CACNA1A: variants seen among roughly 807,000 people sequenced by gnomAD.
CACNA1A encodes voltage-dependent P/Q-type calcium channel subunit alpha-1A.
Under a neutral mutation model 262.4 loss-of-function variants are expected in CACNA1A, and 57 were observed. The ratio of observed to expected loss-of-function variants is 0.22; its 90% confidence interval spans 0.18 to 0.27. CACNA1A has a LOEUF of 0.27. CACNA1A is among the 10% of genes least tolerant of loss of function. The pLI is 1.00. For synonymous variants in CACNA1A, 1,431 were observed against 1,419.3 expected, an observed-to-expected ratio of 1.01 and a Z score of -0.18; for missense variants, 2,526 against 3,562.8, an observed-to-expected ratio of 0.71 and a Z score of 7.41.
chr19:13,481,833 G>C (rs557602743), intron 1 of CACNA1A, among the ~76,000 whole-genome samples: 57 of 152,166 alleles, frequency 3.7e-4, no homozygotes, highest in African/African-American at 1.3e-3. Context: ...GTGACTGCTT[G>C]GTTCAGGCAG....
chr19:13,231,371 C>T (rs1408231728), intron 35 of CACNA1A, among the ~76,000 whole-genome samples: 2 of 152,072 alleles, frequency 1.3e-5, no homozygotes, highest in East Asian at 1.9e-4. Flanking sequence ...CCAACCCCAC[C>T]CCCACCCCCT....
At chr19:13,343,184 T>C (rs1172299482) in intron 6 of CACNA1A, among the ~76,000 whole-genome samples, 2 of 151,806 alleles carry the variant, frequency 1.3e-5, no homozygotes, top group East Asian at 3.9e-4. Flanking sequence ...TGCAATGGTG[T>C]GATCTCAGCT....
chr19:13,419,237 C>T (rs1414956901), intron 3 of CACNA1A, among the ~76,000 whole-genome samples: 3 of 152,220 alleles, frequency 2.0e-5, no homozygotes, highest in East Asian at 3.8e-4. Context: ...AAGACAGTAA[C>T]CTGCTGTGCA....
At chr19:13,450,432 C>T (rs1261755577) in intron 3 of CACNA1A, 1 of 152,360 alleles carries the variant, frequency 6.6e-6, no homozygotes, top group Admixed American at 6.6e-5. Context: ...TCCAGCACCC[C>T]TCACCCCTGC....
rs536098418 is a variant in CACNA1A, at chr19:13,448,473, G to A, written c.539+4403C>T. On this transcript the variant is annotated intron_variant, in intron 3 of 46. Coordinates refer to ENST00000360228, the MANE Select transcript of CACNA1A (RefSeq NM_001127222.2). ...AAGACACAAGTTTACCCATGTAATAGATCTGCACTTGTACCCCTAAACTTA... is the reference window on the plus strand; with the variant it reads ...AAGACACAAGTTTACCCATGTAATAAATCTGCACTTGTACCCCTAAACTTA... 3.5e-4 allele frequency among the ~76,000 whole-genome samples: 53 copies of A among 152,092 alleles called. 1 individual carries two copies. The highest frequency in any genetic ancestry group is 1.3e-3 in the African/African-American group (52 of 41,500).
intron 1 of CACNA1A, among the ~76,000 whole-genome samples, chr19:13,505,287 A>G (rs1182808238): frequency 6.6e-6 from 1 of 152,084 alleles, no homozygotes; most frequent in Non-Finnish European, 1.5e-5. Context: ...GCCCATCACT[A>G]TCCTCTCCAG....
chr19:13,210,785 G>C (rs887333617), intron 43 of CACNA1A, 133 bp from the exon 44 acceptor site: 48 of 912,654 alleles, frequency 5.3e-5, no homozygotes, highest in Admixed American at 1.2e-4. Context: ...GGCATCAAGA[G>C]AAATCGGAGG....
chr19:13,402,871 CACAT>C (rs1200336483), intron 3 of CACNA1A, among the ~76,000 whole-genome samples: 83 of 64,150 alleles, frequency 1.3e-3, no homozygotes, highest in South Asian at 3.7e-3. Flanking sequence ...CACACACACA[CACAT>C]ATATATATAT....
intron 6 of CACNA1A, among the ~76,000 whole-genome samples, chr19:13,351,680 T>C (rs1047795511): frequency 3.3e-5 from 5 of 152,140 alleles, no homozygotes; most frequent in Non-Finnish European, 7.4e-5. Context: ...TGGCTAATTT[T>C]TGTATTTTTA....
rs868217956 is a variant in CACNA1A, at chr19:13,357,221, T to C, written c.978+2385A>G. 9.2e-4 allele frequency among the ~76,000 whole-genome samples: 140 copies of C among 152,272 alleles called. 1 individual carries two copies. The highest frequency in any genetic ancestry group is 2.9e-3 in the African/African-American group (122 of 41,560). On this transcript the variant is annotated intron_variant, in intron 6 of 46. Coordinates refer to ENST00000360228, the MANE Select transcript of CACNA1A (RefSeq NM_001127222.2). ...AACCCATTTATGCCGGAGGTTGCAA[T>C]TTTTGTGTGTGTGAAAAATCCGACC...
intron 44 of CACNA1A, among the ~76,000 whole-genome samples, chr19:13,209,778 C>G (rs1250516783): frequency 1.3e-5 from 2 of 152,188 alleles, no homozygotes; most frequent in Admixed American, 1.3e-4. Context: ...CCAGAAAGAT[C>G]TGATCCTCAC....
intron 2 of CACNA1A, 125 bp downstream of exon 2, chr19:13,454,982 A>C: frequency 1.7e-6 from 1 of 592,548 alleles, no homozygotes; most frequent in Admixed American, 2.5e-5. Context: ...AAGGAAATTT[A>C]GGCTTCCCAT....
At position 13,231,842 on chromosome 19, in the gene CACNA1A, A is replaced by G. The variant is rs373678557; in HGVS notation, c.5268T>C (p.Ala1756=). 20 of 1,613,536 alleles carry G rather than the reference A, an allele frequency of 1.2e-5. No individual in the cohort carries two copies. Among genetic ancestry groups the G allele is most frequent in the African/African-American group, 1.1e-4 (8 of 74,896 alleles). Residue 1756 remains alanine, a synonymous_variant, in exon 35 of 47, where the codon GCT becomes GCC. Transcript: ENST00000360228. ...GGCAGGAAAGCATGATGTTGTGCCA[A>G]GCTTCCCCGGTGGCACTCCTGAGGA... ...MLLFRSATGE[A]WHNIMLSCLS...
intron 1 of CACNA1A, among the ~76,000 whole-genome samples, chr19:13,494,497 G>A (rs1243552573): frequency 6.6e-6 from 1 of 152,166 alleles, no homozygotes; most frequent in Admixed American, 6.6e-5. Flanking sequence ...CAGCAGGGCT[G>A]AGACAGAATA....
At chr19:13,433,707 G>C (rs2060561614) in intron 3 of CACNA1A, among the ~76,000 whole-genome samples, 1 of 151,990 alleles carries the variant, frequency 6.6e-6, no homozygotes, top group African/African-American at 2.4e-5. Flanking sequence ...TTCTTGCAAA[G>C]GGCTCAGACA....
intron 3 of CACNA1A, among the ~76,000 whole-genome samples, chr19:13,413,598 C>T (rs2060155986): frequency 8.2e-6 from 1 of 121,972 alleles, no homozygotes; most frequent in Non-Finnish European, 1.8e-5. Flanking sequence ...AAAAAAAAGG[C>T]CAGGCACAGT....
Position 13,376,659 on chromosome 19 carries a change from AATAT to A in CACNA1A, c.540-4884_540-4881del, listed in dbSNP as rs922700928. On this transcript the variant is annotated intron_variant, in intron 3 of 46. Coordinates refer to ENST00000360228, the MANE Select transcript of CACNA1A (RefSeq NM_001127222.2). The stretch of plus-strand genomic sequence containing the variant: ...ATGTTATATATGATACACTACACAT[AATAT>A]ATGTTATATATGATACACTACACAT... Among the ~76,000 whole-genome samples the A allele has an allele frequency of 1.5e-4, 20 of 135,426 alleles. No homozygotes were observed. In the East Asian group the frequency reaches 3.8e-3, roughly 26 times the overall value. 88.8% of individuals were successfully genotyped at this position (135,426 alleles called of 152,430 possible).
chr19:13,286,608 T>A lies in CACNA1A; in HGVS notation c.3448A>T (p.Ser1150Cys). The A allele has an allele frequency of 6.8e-7, 1 of 1,467,468 alleles. No individual in the cohort carries two copies. 90.9% of individuals were successfully genotyped at this position (1,467,468 alleles called of 1,614,324 possible). A position where few individuals can be genotyped will look rare whatever the true frequency, so the allele number is the denominator to read the frequency against. Residue 1150 changes from serine to cysteine, a missense_variant, in exon 20 of 47, where the codon AGC (serine) becomes TGC (cysteine). Ser to Cys is a moderately radical substitution (Grantham distance 112). Coordinates refer to ENST00000360228, the MANE Select transcript of CACNA1A (RefSeq NM_001127222.2). ...TTAGCTGAATTGGTCTGGGTGCCGCTGGGGTTGGTGACGATAAGGCTATTC... is the reference window on the plus strand; with the variant it reads ...TTAGCTGAATTGGTCTGGGTGCCGCAGGGGTTGGTGACGATAAGGCTATTC... ...PENSLIVTNP[S>C]GTQTNSAKTA...
rs200980685 is a variant in CACNA1A, at chr19:13,312,658, A to G, written c.1668+11T>C. ...CTGGAGAAATGAACTCTTAGAAACA[A>G]GAGCACTTACCCCACAGTCAAAGCA... On this transcript the variant is annotated intron_variant, in intron 12 of 46. Coordinates refer to ENST00000360228, the MANE Select transcript of CACNA1A (RefSeq NM_001127222.2). 10 of 1,495,088 alleles carry G rather than the reference A, an allele frequency of 6.7e-6. No individual in the cohort carries two copies. In the Admixed American group the frequency reaches 9.4e-5, roughly 14 times the overall value. The allele number at this position is 1,495,088 out of a possible 1,614,324, so 92.6% of individuals were successfully genotyped here. A position where few individuals can be genotyped will look rare whatever the true frequency, so the allele number is the denominator to read the frequency against.
Sources: allele counts gnomAD v4.1 joint callset (sites outside exome capture counted in the v4.1 genomes callset), GRCh38; gene constraint gnomAD v4.1.1; transcripts MANE v1.5; gene names NCBI Gene and HGNC (gene_info 2026-07-23, HGNC 2026-07-21).